GALNT13: variants seen among roughly 807,000 people sequenced by gnomAD.
GALNT13 encodes the protein UDP-GalNAc:polypeptide N-acetylgalactosaminyltransferase 13.
GALNT13 carries 28 observed loss-of-function variants against 64.2 expected under a neutral mutation model. The observed-to-expected ratio is 0.44, with a 90% CI of 0.32 to 0.60. The LOEUF is 0.60. Among genes scored for constraint, GALNT13 ranks in the 20% least tolerant of loss-of-function variants. The pLI is 0.05. For missense variants in GALNT13, 577 were observed against 669.8 expected (o/e 0.86, Z 1.53); for synonymous variants, 214 against 224.6 (o/e 0.95, Z 0.42).
chr2:153,298,645 A>C, the GALNT13 span, among the ~76,000 whole-genome samples: 1 of 152,206 alleles, frequency 6.6e-6, no homozygotes, highest in African/African-American at 2.4e-5. Context: ...CCAATAGAAA[A>C]TTCACTTTGA....
chr2:153,524,212 ATGT>A, the GALNT13 span, among the ~76,000 whole-genome samples: 1 of 152,036 alleles, frequency 6.6e-6, no homozygotes, highest in East Asian at 1.9e-4. Flanking sequence ...AATAACTGAT[ATGT>A]TGTTGAGGAT....
chr2:153,302,344 A>G, the GALNT13 span, among the ~76,000 whole-genome samples: 14 of 151,922 alleles, frequency 9.2e-5, no homozygotes, highest in Admixed American at 5.3e-4. Context: ...AACTATTTGT[A>G]TGTCTTCTTT....
chr2:153,240,318 C>T, the GALNT13 span, among the ~76,000 whole-genome samples: 1 of 152,038 alleles, frequency 6.6e-6, no homozygotes, highest in Non-Finnish European at 1.5e-5. Context: ...ACATGGCTGG[C>T]TCTGTGTGAA....
At chr2:153,596,922 A>G in the GALNT13 span, among the ~76,000 whole-genome samples, 1 of 152,102 alleles carries the variant, frequency 6.6e-6, no homozygotes, top group Admixed American at 6.6e-5. Flanking sequence ...TAGGAAGACT[A>G]AAAAACAAAT....
At chr2:153,290,950 C>A in the GALNT13 span, among the ~76,000 whole-genome samples, 3 of 152,128 alleles carry the variant, frequency 2.0e-5, no homozygotes, top group Admixed American at 6.5e-5. Context: ...GTGTTCACTA[C>A]GAAATTTAGC....
intron 3 of GALNT13, among the ~76,000 whole-genome samples, chr2:154,029,728 A>T (rs183260437): frequency 6.6e-6 from 1 of 152,332 alleles, no homozygotes; most frequent in East Asian, 1.9e-4. Flanking sequence ...AAAAGCAAAG[A>T]TATGACTTAC....
chr2:153,354,940 T>C, the GALNT13 span, among the ~76,000 whole-genome samples: 1 of 152,312 alleles, frequency 6.6e-6, no homozygotes, highest in South Asian at 2.1e-4. Flanking sequence ...GTTTCAATCA[T>C]TGCAACAGGA....
chr2:153,949,176 A>G (rs1196528018), intron 3 of GALNT13, among the ~76,000 whole-genome samples: 1 of 152,080 alleles, frequency 6.6e-6, no homozygotes, highest in Non-Finnish European at 1.5e-5. Flanking sequence ...AGGCTATACT[A>G]TTTAGTCTTG....
the GALNT13 span, among the ~76,000 whole-genome samples, chr2:153,082,616 TATACACACACACACACACACACACAC>T: frequency 8.3e-4 from 22 of 26,578 alleles, no homozygotes; most frequent in African/African-American, 3.4e-3. Context: ...TATATATATA[TATACACACACACACACACACACACAC>T]ACACACACAC....
chr2:153,665,655 G>C, the GALNT13 span, among the ~76,000 whole-genome samples: 1 of 152,182 alleles, frequency 6.6e-6, no homozygotes. Context: ...CTGGTCTGAA[G>C]TAGAGAGAAG....
At chr2:153,222,336 G>T in the GALNT13 span, among the ~76,000 whole-genome samples, 20 of 38,288 alleles carry the variant, frequency 5.2e-4, no homozygotes, top group Non-Finnish European at 9.9e-4. Context: ...GTGGGGTGGG[G>T]GGGGGGGTTG....
At chr2:153,867,465 C>T (rs1223001541), upstream of GALNT13, among the ~76,000 whole-genome samples, 1 of 152,104 alleles carries the variant, frequency 6.6e-6, no homozygotes, top group African/African-American at 2.4e-5. Context: ...CGTAAATACA[C>T]ACCTACTTAT....
chr2:153,406,595 AG>A, the GALNT13 span, among the ~76,000 whole-genome samples: 1 of 152,096 alleles, frequency 6.6e-6, no homozygotes. Flanking sequence ...TTTGATAGAA[AG>A]GGGGTTTTGC....
At chr2:153,758,862 G>A in the GALNT13 span, among the ~76,000 whole-genome samples, 4 of 152,164 alleles carry the variant, frequency 2.6e-5, no homozygotes, top group South Asian at 6.2e-4. Context: ...AAAGTGCTGG[G>A]ATTACAGGCA....
intron 2 of GALNT13, among the ~76,000 whole-genome samples, chr2:153,926,651 T>C (rs185003063): frequency 8.3e-4 from 127 of 152,270 alleles, no homozygotes; most frequent in Middle Eastern, 3.4e-3. Flanking sequence ...CTTCCTTTTC[T>C]TTCTCATTTA....
the GALNT13 span, among the ~76,000 whole-genome samples, chr2:153,836,446 T>C: frequency 6.6e-6 from 1 of 152,030 alleles, no homozygotes; most frequent in Non-Finnish European, 1.5e-5. Context: ...AAGTTTGTAC[T>C]GTATGACAGA....
intron 11 of GALNT13, among the ~76,000 whole-genome samples, chr2:154,422,186 T>C (rs1263776686): frequency 6.6e-6 from 1 of 152,124 alleles, no homozygotes; most frequent in Non-Finnish European, 1.5e-5. Flanking sequence ...AGCAATGAGC[T>C]TTCAGACTAC....
the GALNT13 span, among the ~76,000 whole-genome samples, chr2:153,182,829 A>G: frequency 1.3e-5 from 2 of 152,222 alleles, no homozygotes; most frequent in Non-Finnish European, 2.9e-5. Flanking sequence ...TTCATGATGT[A>G]TATGTACCAT....
the GALNT13 span, among the ~76,000 whole-genome samples, chr2:153,632,997 T>G: frequency 6.6e-6 from 1 of 151,922 alleles, no homozygotes; most frequent in Admixed American, 6.6e-5. Context: ...CTGACCTCAA[T>G]TAATCCACCC....
Sources: gnomAD v4.1 joint callset for allele counts (sites outside exome capture counted in the v4.1 genomes callset) on GRCh38, gnomAD v4.1.1 for gene constraint, MANE v1.5 for transcripts, NCBI Gene and HGNC (gene_info 2026-07-23, HGNC 2026-07-21) for gene names.